Variants in ACTL7A observed in about 807,000 individuals in gnomAD.
ACTL7A encodes the protein actin like 7A.
A neutral mutation model predicts 30.3 loss-of-function variants in ACTL7A; 27 were observed. The observed-to-expected ratio is 0.89, with a 90% CI of 0.66 to 1.23. The LOEUF (loss-of-function observed/expected upper bound fraction) is 1.23, where lower values mean the gene tolerates loss of function less well. Among genes scored for constraint, ACTL7A ranks in the 50% most tolerant of loss-of-function variants. The pLI is 0.00. For synonymous variants in ACTL7A, 259 were observed against 241.4 expected (o/e 1.07, Z -0.67); for missense variants, 566 against 571.8 (o/e 0.99, Z 0.10).
Position 108,862,518 on chromosome 9 carries a change from C to A in ACTL7A, c.196C>A (p.Gln66Lys). ...ESKAAKERPK[Q>K]EVTKAVVVDL... ...AAAGGCAGCCAAGGAGAGGCCCAAG[C>A]AGGAGGTGACCAAAGCAGTGGTCGT... The change falls in exon 1 of 1, where the codon CAG becomes AAG. Residue 66 changes from glutamine to lysine, a missense_variant. Coordinates refer to ENST00000333999, the MANE Select transcript of ACTL7A (RefSeq NM_006687.4). The A allele has an allele frequency of 6.2e-7, 1 of 1,614,160 alleles. No individual in the cohort carries two copies. The highest frequency in any genetic ancestry group is 8.5e-7 in the Non-Finnish European group (1 of 1,180,042).
In ACTL7A at chr9:108,863,215, C is replaced by A. The variant is rs753096025; in HGVS notation, c.893C>A (p.Thr298Lys). Residue 298 changes from threonine (T) to lysine (K), a missense_variant, in exon 1 of 1, where the codon ACG (threonine) becomes AAG (lysine). Physicochemically the swap from Thr to Lys is moderately conservative, Grantham distance 78. Transcript: ENST00000333999. ...AAGAAAGTCCCTCTCAGTGAGCATA[C>A]GATCCGCTACGTGCTGCCGGATGGG... The part of the protein sequence containing the change: ...EEKKVPLSEH[T>K]IRYVLPDGKE... 32 of 1,614,000 alleles carry A rather than the reference C, an allele frequency of 2.0e-5. 1 individual carries two copies. In the East Asian group the frequency reaches 6.9e-4, roughly 35 times the overall value.
rs1827194349 is a variant in ACTL7A at position 108,863,166 on chromosome 9, G to C, written c.844G>C (p.Val282Leu). 6.2e-7 allele frequency: 1 copy of C among 1,614,014 alleles called. No homozygotes were observed. The change falls in exon 1 of 1, where the codon GTG becomes CTG. Residue 282 changes from valine to leucine, a missense_variant. Coordinates refer to ENST00000333999, the MANE Select transcript of ACTL7A (RefSeq NM_006687.4). ...GGACATCAAGAAGAAATGCTGCTTT[G>C]TGGCCCTGGATCCCATTGAGGAGAA... ...VEDIKKKCCFVALDPIEEKKV... is the reference protein window; with the variant it reads ...VEDIKKKCCFLALDPIEEKKV...
chr9:108,863,672 C>G lies in ACTL7A; in HGVS notation c.*42C>G, dbSNP rs775229445. On this transcript the variant is annotated 3_prime_UTR_variant, in exon 1 of 1. Coordinates refer to ENST00000333999, the MANE Select transcript of ACTL7A (RefSeq NM_006687.4). The stretch of plus-strand genomic sequence containing the variant: ...ACACTGCACTGGCAGTGCCTACCCT[C>G]GACAGGGTGAGCGCACTCCTACACA... 1.3e-6 allele frequency: 2 copies of G among 1,552,118 alleles called. No individual in the cohort carries two copies. The highest frequency in any genetic ancestry group is 1.7e-6 in the Non-Finnish European group (2 of 1,143,756).
In ACTL7A at chr9:108,862,304, T is replaced by C. The variant is rs752508657; in HGVS notation, c.-19T>C. The C allele has an allele frequency of 7.0e-6, 11 of 1,581,444 alleles. No homozygotes were observed. Among genetic ancestry groups the C allele is most frequent in the Admixed American group, 3.7e-5 (2 of 53,838 alleles). ...AGTGGGATTGAGAACTTTCTAAGAG[T>C]GGTGCGGCTCTTGACAACATGTGGG... On this transcript the variant is annotated 5_prime_UTR_variant, in exon 1 of 1. Transcript: ENST00000333999.
chr9:108,862,415 C>T lies in ACTL7A; in HGVS notation c.93C>T (p.Ala31=), dbSNP rs1386594017. 4.3e-6 allele frequency: 7 copies of T among 1,613,976 alleles called. No individual in the cohort carries two copies. Among genetic ancestry groups the T allele is most frequent in the Middle Eastern group, 1.6e-4 (1 of 6,084 alleles). The change falls in exon 1 of 1, where the codon GCC becomes GCT. Residue 31 remains alanine, a synonymous_variant. Coordinates refer to ENST00000333999, the MANE Select transcript of ACTL7A (RefSeq NM_006687.4). ...APLQTQALQT[A]SLRDGPAKRA... ...TGCAGACACAGGCCCTCCAGACTGC[C>T]TCTTTAAGGGATGGCCCGGCGAAGC...
At position 108,862,688 on chromosome 9, in the gene ACTL7A, C is replaced by T; in HGVS notation, c.366C>T (p.Leu122=). Residue 122 remains leucine, a synonymous_variant, in exon 1 of 1, where the codon CTC becomes CTT. Transcript: ENST00000333999. ...NRKETFVGQE[L]NNTNVHLKLV... ...AGGAGACATTCGTGGGGCAGGAACT[C>T]AACAACACAAACGTTCATCTCAAGC... 1 of 1,614,200 alleles carries T rather than the reference C, an allele frequency of 6.2e-7. No individual in the cohort carries two copies. Among genetic ancestry groups the T allele is most frequent in the East Asian group, 2.2e-5 (1 of 44,872 alleles).
Position 108,863,335 on chromosome 9 carries a change from A to G in ACTL7A, c.1013A>G (p.Gln338Arg), listed in dbSNP as rs2118895948. 11 of 1,614,176 alleles carry G rather than the reference A, an allele frequency of 6.8e-6. No individual in the cohort carries two copies. In the African/African-American group the frequency reaches 9.3e-5, roughly 14 times the overall value. ...TCCATGCAGCTGGGCCTCCACACCCAAACCGTGTCCTGCCTTAACAAGTGT... is the reference window on the plus strand; with the variant it reads ...TCCATGCAGCTGGGCCTCCACACCCGAACCGTGTCCTGCCTTAACAAGTGT... ...IKSMQLGLHT[Q>R]TVSCLNKCDI... is the part of the protein sequence containing the mutation. Residue 338 changes from glutamine (Q) to arginine (R), a missense_variant, in exon 1 of 1, where the codon CAA becomes CGA. Coordinates refer to ENST00000333999, the MANE Select transcript of ACTL7A (RefSeq NM_006687.4).
Position 108,862,330 on chromosome 9 carries a change from C to A in ACTL7A, c.8C>A (p.Ala3Asp). The A allele has an allele frequency of 1.2e-6, 2 of 1,608,672 alleles. No individual in the cohort carries two copies. The highest frequency in any genetic ancestry group is 2.2e-5 in the South Asian group (2 of 90,542). ...GGTGCGGCTCTTGACAACATGTGGG[C>A]TCCACCAGCAGCAATCATGGGGGAT... MWAPPAAIMGDGP... is the reference protein window; with the variant it reads MWDPPAAIMGDGP... Residue 3 changes from alanine (A) to aspartate (D), a missense_variant, in exon 1 of 1, where the codon GCT becomes GAT. Physicochemically the swap from Ala to Asp is moderately radical, Grantham distance 126 (BLOSUM62 -2). Transcript: ENST00000333999.
chr9:108,862,805 C>T lies in ACTL7A; in HGVS notation c.483C>T (p.Ala161=), dbSNP rs748330649. ...TCTTCCGACAAGAGATGAAGATCGC[C>T]CCGGAGGAGCATGCGGTCTTGGTTT... ...EYLFRQEMKI[A]PEEHAVLVSD... is the part of the protein sequence containing the mutation. The change falls in exon 1 of 1, where the codon GCC becomes GCT. Residue 161 remains alanine (A), a synonymous_variant. Transcript: ENST00000333999. 1.6e-5 allele frequency: 26 copies of T among 1,614,010 alleles called. No individual in the cohort carries two copies. In the Admixed American group the frequency reaches 2.8e-4, roughly 18 times the overall value.
Position 108,862,698 on chromosome 9 carries a change from A to G in ACTL7A, c.376A>G (p.Asn126Asp), listed in dbSNP as rs772414552. Residue 126 changes from asparagine (N) to aspartate (D), a missense_variant, in exon 1 of 1, where the codon AAC becomes GAC. Asn to Asp is a conservative substitution (Grantham distance 23). Coordinates refer to ENST00000333999, the MANE Select transcript of ACTL7A (RefSeq NM_006687.4). ...CGTGGGGCAGGAACTCAACAACACA[A>G]ACGTTCATCTCAAGCTGGTTAACCC... Reference protein sequence around the residue: ...TFVGQELNNTNVHLKLVNPLR... With the variant: ...TFVGQELNNTDVHLKLVNPLR... 2.2e-5 allele frequency: 36 copies of G among 1,614,036 alleles called. No homozygotes were observed. The highest frequency in any genetic ancestry group is 3.1e-5 in the Non-Finnish European group (36 of 1,180,028).
chr9:108,863,056 C>A lies in ACTL7A; in HGVS notation c.734C>A (p.Ala245Glu), dbSNP rs201560933. 6.2e-7 allele frequency: 1 copy of A among 1,614,062 alleles called. No homozygotes were observed. Among genetic ancestry groups the A allele is most frequent in the Admixed American group, 1.7e-5 (1 of 60,010 alleles). The change falls in exon 1 of 1, where the codon GCG becomes GAG. Residue 245 changes from alanine (A) to glutamate (E), a missense_variant. Physicochemically the swap from Ala to Glu is moderately radical, Grantham distance 107 (BLOSUM62 -1). Coordinates refer to ENST00000333999, the MANE Select transcript of ACTL7A (RefSeq NM_006687.4). Reference sequence around the variant, plus strand: ...AGCATCACCGGAAGGCTGGACTACGCGGGCTCTGACCTGACAGCCTACCTG... The same window carrying A: ...AGCATCACCGGAAGGCTGGACTACGAGGGCTCTGACCTGACAGCCTACCTG... ...LPSITGRLDY[A>E]GSDLTAYLLG...
In ACTL7A at chr9:108,862,551, G is replaced by A; in HGVS notation, c.229G>A (p.Gly77Ser). Residue 77 changes from glycine to serine, a missense_variant, in exon 1 of 1, where the codon GGC becomes AGC. By Grantham distance (56) the Gly-to-Ser change is moderately conservative. Coordinates refer to ENST00000333999, the MANE Select transcript of ACTL7A (RefSeq NM_006687.4). ...GACCAAAGCAGTGGTCGTGGACCTG[G>A]GCACTGGCTACTGTAAATGTGGCTT... ...EVTKAVVVDL[G>S]TGYCKCGFAG... 2 of 1,614,200 alleles carry A rather than the reference G, an allele frequency of 1.2e-6. No homozygotes were observed. Among genetic ancestry groups the A allele is most frequent in the Non-Finnish European group, 1.7e-6 (2 of 1,180,030 alleles).
rs1261915966 is a variant in ACTL7A at position 108,863,282 on chromosome 9, G to A, written c.960G>A (p.Glu320=). 6.2e-7 allele frequency: 1 copy of A among 1,614,160 alleles called. No homozygotes were observed. Among genetic ancestry groups the A allele is most frequent in the African/African-American group, 1.3e-5 (1 of 75,054 alleles). ...GCCAGGAACGGTTCCTCTGCTCGGA[G>A]ATGTTCTTCAAGCCATCTCTCATCA... ...QLCQERFLCS[E]MFFKPSLIKS... The change falls in exon 1 of 1, where the codon GAG becomes GAA. Residue 320 remains glutamate (E), a synonymous_variant. Transcript: ENST00000333999.
At position 108,863,419 on chromosome 9, in the gene ACTL7A, T is replaced by G; in HGVS notation, c.1097T>G (p.Met366Arg). 6.2e-7 allele frequency: 1 copy of G among 1,614,178 alleles called. No homozygotes were observed. The highest frequency in any genetic ancestry group is 1.1e-5 in the South Asian group (1 of 91,084). The stretch of plus-strand genomic sequence containing the variant: ...ATCCTGCTCTGCGGGGGCAGCACGA[T>G]GCTCAGTGGCTTCCCTAACCGTCTG... ...GNILLCGGSTMLSGFPNRLQK... is the reference protein window; with the variant it reads ...GNILLCGGSTRLSGFPNRLQK... The change falls in exon 1 of 1, where the codon ATG becomes AGG. Residue 366 changes from methionine to arginine, a missense_variant. By Grantham distance (91) the Met-to-Arg change is moderately conservative (BLOSUM62 -1). Transcript: ENST00000333999.
rs747214131 is a variant in ACTL7A at position 108,863,558 on chromosome 9, C to T, written c.1236C>T (p.Phe412=). The T allele has an allele frequency of 1.2e-6, 2 of 1,614,180 alleles. No individual in the cohort carries two copies. Among genetic ancestry groups the T allele is most frequent in the Non-Finnish European group, 1.7e-6 (2 of 1,180,038 alleles). The change falls in exon 1 of 1, where the codon TTC becomes TTT. Residue 412 remains phenylalanine (F), a synonymous_variant. Transcript: ENST00000333999. The part of the protein sequence containing the change: ...GGSILASLQG[F]QPLWVHRFEY... ...CCATCCTGGCCTCACTTCAGGGTTT[C>T]CAACCATTGTGGGTCCACCGCTTTG...
Position 108,863,201 on chromosome 9 carries a change from T to C in ACTL7A, c.879T>C (p.Pro293=). ...ATCCCATTGAGGAGAAGAAAGTCCC[T>C]CTCAGTGAGCATACGATCCGCTACG... The part of the protein sequence containing the change: ...ALDPIEEKKV[P]LSEHTIRYVL... Residue 293 remains proline (P), a synonymous_variant, in exon 1 of 1, where the codon CCT becomes CCC. Transcript: ENST00000333999. 6.2e-7 allele frequency: 1 copy of C among 1,614,068 alleles called. No individual in the cohort carries two copies. The highest frequency in any genetic ancestry group is 1.1e-5 in the South Asian group (1 of 91,076).
At position 108,863,546 on chromosome 9, in the gene ACTL7A, A is replaced by G. The variant is rs1469948462; in HGVS notation, c.1224A>G (p.Ser408=). 2 of 1,614,036 alleles carry G rather than the reference A, an allele frequency of 1.2e-6. No homozygotes were observed. Among genetic ancestry groups the G allele is most frequent in the Non-Finnish European group, 1.7e-6 (2 of 1,180,040 alleles). Residue 408 remains serine, a synonymous_variant, in exon 1 of 1, where the codon TCA becomes TCG. Coordinates refer to ENST00000333999, the MANE Select transcript of ACTL7A (RefSeq NM_006687.4). The stretch of plus-strand genomic sequence containing the variant: ...GGACCGGTGGCTCCATCCTGGCCTC[A>G]CTTCAGGGTTTCCAACCATTGTGGG... ...AVWTGGSILA[S]LQGFQPLWVH...
Position 108,862,686 on chromosome 9 carries a change from C to A in ACTL7A, c.364C>A (p.Leu122Ile). Reference protein sequence around the residue: ...NRKETFVGQELNNTNVHLKLV... With the variant: ...NRKETFVGQEINNTNVHLKLV... ...CAAGGAGACATTCGTGGGGCAGGAA[C>A]TCAACAACACAAACGTTCATCTCAA... Residue 122 changes from leucine to isoleucine, a missense_variant, in exon 1 of 1, where the codon CTC becomes ATC. Coordinates refer to ENST00000333999, the MANE Select transcript of ACTL7A (RefSeq NM_006687.4). 6.2e-7 allele frequency: 1 copy of A among 1,614,226 alleles called. No homozygotes were observed. The highest frequency in any genetic ancestry group is 8.5e-7 in the Non-Finnish European group (1 of 1,180,046).
chr9:108,863,040 G>A lies in ACTL7A; in HGVS notation c.718G>A (p.Gly240Arg), dbSNP rs367596635. 73 of 1,613,858 alleles carry A rather than the reference G, an allele frequency of 4.5e-5. No homozygotes were observed. The highest frequency in any genetic ancestry group is 5.6e-5 in the Non-Finnish European group (66 of 1,179,972). Reference protein sequence around the residue: ...YEGYPLPSITGRLDYAGSDLT... With the variant: ...YEGYPLPSITRRLDYAGSDLT... ...GGGTTATCCTTTGCCCAGCATCACC[G>A]GAAGGCTGGACTACGCGGGCTCTGA... is the stretch of plus-strand genomic sequence containing the variant. Residue 240 changes from glycine (G) to arginine (R), a missense_variant, in exon 1 of 1, where the codon GGA becomes AGA. Coordinates refer to ENST00000333999, the MANE Select transcript of ACTL7A (RefSeq NM_006687.4).
Sources: allele counts gnomAD v4.1 joint callset, GRCh38; gene constraint gnomAD v4.1.1; transcripts MANE v1.5; gene names NCBI Gene and HGNC (gene_info 2026-07-23, HGNC 2026-07-21).